The following GPCPD1 variants were observed in gnomAD, a reference collection of about 807,000 sequenced individuals.
GPCPD1 encodes glycerophosphocholine phosphodiesterase GPCPD1.
A neutral mutation model predicts 89.2 loss-of-function variants in GPCPD1; 29 were observed. That is an observed-to-expected ratio of 0.33 (90% CI 0.24 to 0.44). The LOEUF (loss-of-function observed/expected upper bound fraction) is 0.44, where lower values mean the gene tolerates loss of function less well. Among genes scored for constraint, GPCPD1 ranks in the 20% least tolerant of loss-of-function variants. GPCPD1 has a pLI of 1.00. For synonymous variants in GPCPD1, 258 were observed against 266.3 expected (o/e 0.97, Z 0.30); for missense variants, 594 against 808.9 (o/e 0.73, Z 3.22).
intron 8 of GPCPD1, 57 bp downstream of exon 8, chr20:5,578,323 T>A: frequency 9.4e-7 from 1 of 1,066,260 alleles, no homozygotes; most frequent in South Asian, 1.3e-5. Context: ...AAACCAACGT[T>A]AAAATAAGCT....
intron 4 of GPCPD1, among the ~76,000 whole-genome samples, chr20:5,592,342 G>A (rs572097267): frequency 1.7e-4 from 26 of 152,256 alleles, no homozygotes; most frequent in African/African-American, 6.3e-4. Context: ...TGAAACTATT[G>A]TCAAGAAAAG....
At chr20:5,579,950 G>C in intron 7 of GPCPD1, 58 bp downstream of exon 7, 1 of 1,111,230 alleles carries the variant, frequency 9.0e-7, no homozygotes, top group South Asian at 1.4e-5. Flanking sequence ...AATTGAGTCT[G>C]AAATCTACAG....
At chr20:5,591,968 A>G (rs2122748542) in intron 4 of GPCPD1, among the ~76,000 whole-genome samples, 1 of 152,342 alleles carries the variant, frequency 6.6e-6, no homozygotes, top group African/African-American at 2.4e-5. Context: ...TTTACTGTTA[A>G]GCAGACTTCT....
intron 2 of GPCPD1, among the ~76,000 whole-genome samples, chr20:5,602,414 G>C (rs6053530): frequency 0.14 from 21,942 of 152,232 alleles, 1,748 homozygotes; most frequent in South Asian, 0.19. Flanking sequence ...AACCAGAGGT[G>C]AGCACTTGGC....
At chr20:5,603,847 A>G (rs992550515) in intron 2 of GPCPD1, among the ~76,000 whole-genome samples, 5 of 151,848 alleles carry the variant, frequency 3.3e-5, no homozygotes, top group African/African-American at 1.2e-4. Context: ...CCTGGGTTCA[A>G]GCAATTCTCC....
At chr20:5,554,499 A>T (rs1318334520) in intron 19 of GPCPD1, among the ~76,000 whole-genome samples, 6 of 152,180 alleles carry the variant, frequency 3.9e-5, no homozygotes, top group African/African-American at 1.4e-4. Context: ...AATTACGCTA[A>T]ATCTACTTTG....
At chr20:5,599,365 C>T (rs895750784) in intron 2 of GPCPD1, among the ~76,000 whole-genome samples, 6 of 151,914 alleles carry the variant, frequency 3.9e-5, no homozygotes, top group Non-Finnish European at 8.8e-5. Flanking sequence ...ACTCAGGAGG[C>T]TGAGGCAGGA....
At chr20:5,594,367 G>A (rs1191666026) in intron 3 of GPCPD1, among the ~76,000 whole-genome samples, 1 of 151,478 alleles carries the variant, frequency 6.6e-6, no homozygotes, top group Non-Finnish European at 1.5e-5. Flanking sequence ...TCAGCTCACT[G>A]CAAGCTCCGC....
intron 3 of GPCPD1, among the ~76,000 whole-genome samples, chr20:5,594,994 TAATC>T (rs1017148562): frequency 3.2e-4 from 48 of 152,340 alleles, no homozygotes; most frequent in African/African-American, 1.1e-3. Context: ...AAGGAACAGT[TAATC>T]AATGTAGTAA....
Position 5,598,727 on chromosome 20 carries a change from T to C in GPCPD1, c.144A>G (p.Glu48=). 2 of 1,581,112 alleles carry C rather than the reference T, an allele frequency of 1.3e-6. No homozygotes were observed. Among genetic ancestry groups the C allele is most frequent in the Non-Finnish European group, 1.7e-6 (2 of 1,149,870 alleles). Residue 48 remains glutamate, a splice_region_variant and synonymous_variant, in exon 3 of 20, where the codon GAA becomes GAG. Transcript: ENST00000379019. ...TAACCTCACATTTCCATACTCACCT[T>C]TCACCTGTGTCATTCTCTGGAAGAA... ...VALLPENDTG[E]SMLWKATIVL... is the part of the protein sequence containing the mutation.
At position 5,575,492 on chromosome 20, in the gene GPCPD1, A is replaced by G; in HGVS notation, c.922T>C (p.Ser308Pro). 6.3e-7 allele frequency: 1 copy of G among 1,596,168 alleles called. No individual in the cohort carries two copies. The highest frequency in any genetic ancestry group is 2.2e-5 in the East Asian group (1 of 44,794). Residue 308 changes from serine to proline, a missense_variant, in exon 10 of 20, where the codon TCA becomes CCA. By Grantham distance (74) the Ser-to-Pro change is moderately conservative (BLOSUM62 -1). Coordinates refer to ENST00000379019, the MANE Select transcript of GPCPD1 (RefSeq NM_019593.5). ...LPGYSCDMKS[S>P]FSKYWKPRIP... ...CTTGGCTTCCAATACTTGGAAAATG[A>G]AGATTTCATGTCACAACTGTATCCT... is the stretch of plus-strand genomic sequence containing the variant.
chr20:5,553,579 T>A (rs1259941290), intron 19 of GPCPD1, among the ~76,000 whole-genome samples: 1 of 152,194 alleles, frequency 6.6e-6, no homozygotes, highest in Non-Finnish European at 1.5e-5. Context: ...AACCAAGTTA[T>A]GAATGCAAAG....
intron 19 of GPCPD1, among the ~76,000 whole-genome samples, chr20:5,551,410 T>G (rs1985402099): frequency 1.3e-5 from 2 of 152,182 alleles, no homozygotes; most frequent in Admixed American, 1.3e-4. Flanking sequence ...GGTTTGAAAG[T>G]CATTGTACTA....
Position 5,593,378 on chromosome 20 carries a change from T to C in GPCPD1, c.180A>G (p.Arg60=), listed in dbSNP as rs187103519. ...AGTAGCGATACTGAACTGATACTCC[T>C]CTACTGAGTACAATGGTTGCTTTCC... The part of the protein sequence containing the change: ...MLWKATIVLS[R]GVSVQYRYFK... The change falls in exon 4 of 20, where the codon AGA becomes AGG. Residue 60 remains arginine, a synonymous_variant. Transcript: ENST00000379019. The C allele has an allele frequency of 1.3e-6, 2 of 1,597,866 alleles. No homozygotes were observed. The highest frequency in any genetic ancestry group is 8.6e-7 in the Non-Finnish European group (1 of 1,165,668).
intron 15 of GPCPD1, among the ~76,000 whole-genome samples, chr20:5,563,668 C>G (rs1318489207): frequency 2.0e-5 from 3 of 152,088 alleles, no homozygotes; most frequent in African/African-American, 7.2e-5. Context: ...GCCACCATGT[C>G]CCGCCAAAAA....
At chr20:5,553,396 A>G (rs537316737) in intron 19 of GPCPD1, among the ~76,000 whole-genome samples, 2 of 152,274 alleles carry the variant, frequency 1.3e-5, no homozygotes, top group East Asian at 3.9e-4. Flanking sequence ...TCAGAGACAC[A>G]TCCATACTGA....
Position 5,565,095 on chromosome 20 carries a change from CA to C in GPCPD1, c.1268-18del. On this transcript the variant is annotated intron_variant, in intron 14 of 19. Transcript: ENST00000379019. ...CCACAGATTCTGAAATTTTAAAACA[CA>C]AAATCTCAGTAAATAAAATGCCACT... 7.3e-7 allele frequency: 1 copy of C among 1,369,608 alleles called. No homozygotes were observed. The highest frequency in any genetic ancestry group is 1.0e-6 in the Non-Finnish European group (1 of 959,302). 84.8% of individuals were successfully genotyped at this position (1,369,608 alleles called of 1,614,324 possible). A position where few individuals can be genotyped will look rare whatever the true frequency, so the allele number is the denominator to read the frequency against.
intron 6 of GPCPD1, among the ~76,000 whole-genome samples, chr20:5,580,835 A>G (rs901426592): frequency 6.6e-6 from 1 of 151,986 alleles, no homozygotes; most frequent in African/African-American, 2.4e-5. Context: ...TCCTGGTTCT[A>G]TCAATATCAT....
At chr20:5,562,256 G>T (rs902953434) in intron 15 of GPCPD1, among the ~76,000 whole-genome samples, 5 of 152,046 alleles carry the variant, frequency 3.3e-5, no homozygotes, top group African/African-American at 7.2e-5. Flanking sequence ...TATGCTCAGG[G>T]CAAAATGAAT....
Sources: gnomAD v4.1 joint callset for allele counts (sites outside exome capture counted in the v4.1 genomes callset) on GRCh38, gnomAD v4.1.1 for gene constraint, MANE v1.5 for transcripts, NCBI Gene and HGNC (gene_info 2026-07-23, HGNC 2026-07-21) for gene names.